The following RPA2 variants were observed in gnomAD, a reference collection of about 807,000 sequenced individuals.
RPA2 encodes the protein replication protein A2.
A neutral mutation model predicts 33.4 loss-of-function variants in RPA2; 22 were observed. The ratio of observed to expected loss-of-function variants is 0.66; its 90% confidence interval spans 0.47 to 0.94. RPA2 has a LOEUF of 0.94. RPA2 is among the 40% of genes least tolerant of loss of function. The pLI is 0.00. For missense variants in RPA2, 279 were observed against 329.9 expected (o/e 0.85, Z 1.19); for synonymous variants, 109 against 114.9 (o/e 0.95, Z 0.33).
rs527529636 is a variant in RPA2, at chr1:27,896,939, T to G, written c.525+66A>C. The G allele has an allele frequency of 2.5e-5, 30 of 1,186,904 alleles. No individual in the cohort carries two copies. In the East Asian group the frequency reaches 7.2e-4, roughly 29 times the overall value. The allele number at this position is 1,186,904 out of a possible 1,614,324, so 73.5% of individuals were successfully genotyped here. On this transcript the variant is annotated intron_variant, in intron 6 of 8. Coordinates refer to ENST00000373912, the MANE Select transcript of RPA2 (RefSeq NM_002946.5). ...TTCAAAATATCAAGGAAATCAAAGC[T>G]GGAACACAAAAGTAGCCTGTGTTCT...
chr1:27,912,899 C>G (rs535977176), intron 2 of RPA2, among the ~76,000 whole-genome samples: 1 of 152,266 alleles, frequency 6.6e-6, no homozygotes, highest in East Asian at 1.9e-4. Context: ...CAGTGACACC[C>G]TATAAGTAAA....
At chr1:27,905,478 G>A (rs999292879) in intron 4 of RPA2, among the ~76,000 whole-genome samples, 2 of 151,850 alleles carry the variant, frequency 1.3e-5, no homozygotes, top group Non-Finnish European at 2.9e-5. Flanking sequence ...ATTTTTAGGA[G>A]ACGGAGTTTC....
intron 4 of RPA2, among the ~76,000 whole-genome samples, chr1:27,900,871 G>C (rs2089959256): frequency 6.6e-6 from 1 of 152,102 alleles, no homozygotes; most frequent in African/African-American, 2.4e-5. Flanking sequence ...CACCATGCTG[G>C]CCAGGGTGGT....
At chr1:27,895,383 T>C (rs1233975164) in intron 6 of RPA2, among the ~76,000 whole-genome samples, 5 of 135,892 alleles carry the variant, frequency 3.7e-5, no homozygotes, top group South Asian at 4.9e-4. Context: ...GATCACGCCA[T>C]TGCACTCCAG....
intron 2 of RPA2, among the ~76,000 whole-genome samples, chr1:27,910,971 T>C (rs2090088851): frequency 1.3e-5 from 2 of 151,850 alleles, no homozygotes; most frequent in South Asian, 2.1e-4. Flanking sequence ...ATCCCAACAC[T>C]TTGGGAGGCC....
chr1:27,911,362 C>T (rs1320471072), intron 2 of RPA2, among the ~76,000 whole-genome samples: 8 of 151,396 alleles, frequency 5.3e-5, no homozygotes, highest in African/African-American at 1.7e-4. Context: ...CCTGTCTCCA[C>T]AAAAAGAAAA....
intron 4 of RPA2, among the ~76,000 whole-genome samples, chr1:27,899,501 C>CAA (rs1296911678): frequency 1.3e-4 from 6 of 46,644 alleles, no homozygotes; most frequent in South Asian, 8.1e-4. Flanking sequence ...GACTCTATCT[C>CAA]AAAAAAAAAA....
At chr1:27,901,892 G>A (rs1358170832) in intron 4 of RPA2, among the ~76,000 whole-genome samples, 2 of 151,874 alleles carry the variant, frequency 1.3e-5, no homozygotes, top group African/African-American at 2.4e-5. Flanking sequence ...GAGCCACTGT[G>A]CCTGGCCTCA....
At chr1:27,898,891 A>G (rs1345401122) in intron 4 of RPA2, among the ~76,000 whole-genome samples, 1 of 152,066 alleles carries the variant, frequency 6.6e-6, no homozygotes, top group Non-Finnish European at 1.5e-5. Flanking sequence ...TTCTGACTAC[A>G]TAAAATGTAT....
chr1:27,913,556 C>T (rs946246308), intron 2 of RPA2, among the ~76,000 whole-genome samples: 13 of 151,194 alleles, frequency 8.6e-5, no homozygotes, highest in Admixed American at 3.3e-4. Context: ...CCATTGCACT[C>T]CAGCCTGGGC....
At position 27,914,051 on chromosome 1, in the gene RPA2, C is replaced by T; in HGVS notation, c.117+12G>A. 1 of 1,576,564 alleles carries T rather than the reference C, an allele frequency of 6.3e-7. No homozygotes were observed. The highest frequency in any genetic ancestry group is 8.6e-7 in the Non-Finnish European group (1 of 1,161,992). On this transcript the variant is annotated intron_variant, in intron 2 of 8. Transcript: ENST00000373912. The stretch of plus-strand genomic sequence containing the variant: ...CAGGATAAAACAAAACTAAATACTC[C>T]TTTCAACCTACTGATTTCTTTTCGG...
At chr1:27,903,382 G>A (rs2148657746) in intron 4 of RPA2, among the ~76,000 whole-genome samples, 1 of 152,128 alleles carries the variant, frequency 6.6e-6, no homozygotes, top group Middle Eastern at 3.4e-3. Context: ...TGGAATCGGT[G>A]GTCATTTAAA....
At chr1:27,905,455 G>A (rs545252799) in intron 4 of RPA2, among the ~76,000 whole-genome samples, 10 of 151,974 alleles carry the variant, frequency 6.6e-5, no homozygotes, top group Non-Finnish European at 1.0e-4. Flanking sequence ...AACCACGCCC[G>A]GCTAATTTTT....
intron 4 of RPA2, among the ~76,000 whole-genome samples, chr1:27,903,788 G>C (rs1232274204): frequency 6.6e-6 from 1 of 150,474 alleles, no homozygotes. Flanking sequence ...AGCTACTTGG[G>C]AGGTTAAGGC....
chr1:27,906,594 G>A (rs953728871), intron 4 of RPA2, among the ~76,000 whole-genome samples: 3 of 152,166 alleles, frequency 2.0e-5, no homozygotes, highest in African/African-American at 7.2e-5. Flanking sequence ...GGAGGCTGAG[G>A]CACAGGATCG....
chr1:27,914,207 C>G (rs778094024), intron 1 of RPA2, 38 bp from the exon 2 acceptor site: 1 of 1,612,336 alleles, frequency 6.2e-7, no homozygotes, highest in South Asian at 1.1e-5. Flanking sequence ...GTGCCACGTC[C>G]CACGCCTCCG....
At chr1:27,914,752 C>G (rs1360924345), upstream of RPA2, 1 of 1,401,150 alleles carries the variant, frequency 7.1e-7, no homozygotes, top group Middle Eastern at 1.8e-4. Flanking sequence ...CTAGCGGAAG[C>G]AAGGGGCTGG....
intron 4 of RPA2, among the ~76,000 whole-genome samples, chr1:27,899,771 T>C (rs1472985902): frequency 1.3e-5 from 2 of 151,950 alleles, no homozygotes; most frequent in Admixed American, 6.6e-5. Context: ...AGCTCCGCCT[T>C]ATGGGTTCAC....
intron 6 of RPA2, among the ~76,000 whole-genome samples, chr1:27,895,210 C>A (rs2089874423): frequency 6.6e-6 from 1 of 152,162 alleles, no homozygotes; most frequent in South Asian, 2.1e-4. Context: ...ATCCTCATTG[C>A]CAGCCGGACT....
Sources: allele counts gnomAD v4.1 joint callset (sites outside exome capture counted in the v4.1 genomes callset), GRCh38; gene constraint gnomAD v4.1.1; transcripts MANE v1.5; gene names NCBI Gene and HGNC (gene_info 2026-07-23, HGNC 2026-07-21).